Variants in HS3ST2 observed in about 807,000 individuals in gnomAD.
The protein encoded by HS3ST2 is heparan sulfate-glucosamine 3-sulfotransferase 2, also known as heparan sulfate glucosamine 3-O-sulfotransferase 2.
HS3ST2 carries 17 observed loss-of-function variants against 26.3 expected under a neutral mutation model. That is an observed-to-expected ratio of 0.65 (90% CI 0.44 to 0.97). HS3ST2 has a LOEUF of 0.97. HS3ST2 is among the 50% of genes least tolerant of loss of function. HS3ST2 has a pLI of 0.00. For synonymous variants in HS3ST2, 237 were observed against 219.2 expected (o/e 1.08, Z -0.72); for missense variants, 402 against 501.2 (o/e 0.80, Z 1.89).
chr16:22,880,381 T>C (rs2519973), intron 1 of HS3ST2, among the ~76,000 whole-genome samples: 83,155 of 151,976 alleles, frequency 0.55, 23,968 homozygotes, highest in East Asian at 0.8. Flanking sequence ...CATGCCACTG[T>C]ACTCCAGCCT....
intron 1 of HS3ST2, among the ~76,000 whole-genome samples, chr16:22,824,406 G>A (rs1215629293): frequency 2.0e-5 from 3 of 152,096 alleles, no homozygotes; most frequent in African/African-American, 7.2e-5. Flanking sequence ...AATTAGCCGG[G>A]CGTGGTGGCA....
chr16:22,841,641 T>C (rs1234748401), intron 1 of HS3ST2, among the ~76,000 whole-genome samples: 1 of 152,228 alleles, frequency 6.6e-6, no homozygotes, highest in African/African-American at 2.4e-5. Flanking sequence ...AATTATACCG[T>C]GTTTGTATCA....
In HS3ST2 at chr16:22,814,575, C is replaced by A. The variant is rs1358810799; in HGVS notation, c.-36C>A. 6.7e-7 allele frequency: 1 copy of A among 1,485,040 alleles called. No individual in the cohort carries two copies. The allele number at this position is 1,485,040 out of a possible 1,614,324, so 92.0% of individuals were successfully genotyped here. A position where few individuals can be genotyped will look rare whatever the true frequency, so the allele number is the denominator to read the frequency against. ...AGCAGCTCAGCCGCCGGTGCCCCCT[C>A]GGAAACCATGACCCCCGGCGCGGGC... is the stretch of plus-strand genomic sequence containing the variant. On this transcript the variant is annotated 5_prime_UTR_variant, in exon 1 of 2. Transcript: ENST00000261374.
At chr16:22,904,550 C>T (rs1364137051) in intron 1 of HS3ST2, among the ~76,000 whole-genome samples, 1 of 152,150 alleles carries the variant, frequency 6.6e-6, no homozygotes, top group African/African-American at 2.4e-5. Flanking sequence ...AGGGCACAGT[C>T]AGGGAAGGCT....
At chr16:22,907,912 T>G (rs1039257275) in intron 1 of HS3ST2, among the ~76,000 whole-genome samples, 1 of 152,016 alleles carries the variant, frequency 6.6e-6, no homozygotes, top group African/African-American at 2.4e-5. Context: ...CTGAGGTGGA[T>G]GGATTGCTTG....
intron 1 of HS3ST2, among the ~76,000 whole-genome samples, chr16:22,900,188 C>T (rs947002367): frequency 2.0e-5 from 3 of 152,158 alleles, no homozygotes; most frequent in Admixed American, 6.5e-5. Context: ...GGAGTGGCCC[C>T]ATCAGAGGAA....
In HS3ST2 at chr16:22,915,519, T is replaced by C; in HGVS notation, c.1061T>C (p.Ile354Thr). Residue 354 changes from isoleucine (I) to threonine (T), a missense_variant, in exon 2 of 2, where the codon ATC becomes ACC. By Grantham distance (89) the Ile-to-Thr change is moderately conservative. Coordinates refer to ENST00000261374, the MANE Select transcript of HS3ST2 (RefSeq NM_006043.2). ...CGAGAATTTTATAGACCGTATAATA[T>C]CAAATTTTATGAAACCGTTGGGCAG... ...QLREFYRPYN[I>T]KFYETVGQDF... The C allele has an allele frequency of 4.6e-5, 74 of 1,613,786 alleles. No individual in the cohort carries two copies. Among genetic ancestry groups the C allele is most frequent in the Non-Finnish European group, 6.2e-5 (73 of 1,179,890 alleles).
chr16:22,855,696 G>GTCTCTCTCTCTCTCTCTCTCTCTCTCTC (rs3078722), intron 1 of HS3ST2, among the ~76,000 whole-genome samples: 11 of 142,934 alleles, frequency 7.7e-5, no homozygotes, highest in East Asian at 4.2e-4. Context: ...CTGTCTCTCT[G>GTCTCTCTCTCTCTCTCTCTCTCTCTCTC]TCTCTCTCTC....
chr16:22,852,280 C>T (rs1019350686), intron 1 of HS3ST2, among the ~76,000 whole-genome samples: 4 of 152,052 alleles, frequency 2.6e-5, no homozygotes, highest in Non-Finnish European at 5.9e-5. Flanking sequence ...GACACAGGAG[C>T]AAAAATAAGT....
chr16:22,874,470 G>A (rs938126487), intron 1 of HS3ST2, among the ~76,000 whole-genome samples: 8 of 152,198 alleles, frequency 5.3e-5, no homozygotes, highest in African/African-American at 1.4e-4. Context: ...CTGTCCTCAA[G>A]CCTGGTTTCC....
intron 1 of HS3ST2, among the ~76,000 whole-genome samples, chr16:22,873,239 A>G (rs1901862647): frequency 6.6e-6 from 1 of 152,202 alleles, no homozygotes; most frequent in African/African-American, 2.4e-5. Context: ...CCAAGGGAAA[A>G]CCAGCACCAC....
intron 1 of HS3ST2, among the ~76,000 whole-genome samples, chr16:22,861,850 C>T (rs988199516): frequency 3.9e-5 from 6 of 152,138 alleles, no homozygotes; most frequent in African/African-American, 9.7e-5. Flanking sequence ...TTCCCTGCCT[C>T]GGGACCTTTG....
chr16:22,893,342 C>T (rs1350097996), intron 1 of HS3ST2, among the ~76,000 whole-genome samples: 3 of 152,214 alleles, frequency 2.0e-5, no homozygotes, highest in African/African-American at 7.2e-5. Flanking sequence ...ACAAGGCTCT[C>T]AATAAATGTT....
intron 1 of HS3ST2, among the ~76,000 whole-genome samples, chr16:22,853,509 T>C (rs1362486405): frequency 6.6e-6 from 1 of 152,162 alleles, no homozygotes; most frequent in African/African-American, 2.4e-5. Flanking sequence ...AGATGGGAAC[T>C]TGAACATAGG....
At chr16:22,834,008 T>A (rs1406466533) in intron 1 of HS3ST2, among the ~76,000 whole-genome samples, 3 of 152,074 alleles carry the variant, frequency 2.0e-5, no homozygotes, top group South Asian at 4.1e-4. Flanking sequence ...GAATAGATAA[T>A]GTATATTTAA....
chr16:22,867,166 A>G (rs899772447), intron 1 of HS3ST2, among the ~76,000 whole-genome samples: 1 of 152,230 alleles, frequency 6.6e-6, no homozygotes, highest in Non-Finnish European at 1.5e-5. Context: ...TGGCATTTGA[A>G]TCAGTGGGAA....
intron 1 of HS3ST2, among the ~76,000 whole-genome samples, chr16:22,858,445 C>T (rs943360500): frequency 6.6e-6 from 1 of 151,718 alleles, no homozygotes; most frequent in Non-Finnish European, 1.5e-5. Context: ...GAAAATTCAG[C>T]TGCTAAGACA....
intron 1 of HS3ST2, among the ~76,000 whole-genome samples, chr16:22,882,032 C>G (rs1204454446): frequency 6.6e-6 from 1 of 152,188 alleles, no homozygotes; most frequent in African/African-American, 2.4e-5. Flanking sequence ...AGAAATTTTG[C>G]ATGAAATCTT....
At chr16:22,884,359 C>T (rs931455336) in intron 1 of HS3ST2, among the ~76,000 whole-genome samples, 1 of 152,180 alleles carries the variant, frequency 6.6e-6, no homozygotes, top group East Asian at 1.9e-4. Context: ...GTTGGGCTGA[C>T]TTTTAAACCC....
Sources: gnomAD v4.1 joint callset for allele counts (sites outside exome capture counted in the v4.1 genomes callset) on GRCh38, gnomAD v4.1.1 for gene constraint, MANE v1.5 for transcripts, NCBI Gene and HGNC (gene_info 2026-07-23, HGNC 2026-07-21) for gene names.